CACNA2D1: variants seen among roughly 807,000 people sequenced by gnomAD.
CACNA2D1 encodes the protein calcium voltage-gated channel auxiliary subunit alpha2delta 1.
A neutral mutation model predicts 171.5 loss-of-function variants in CACNA2D1; 53 were observed. The observed-to-expected ratio is 0.31, with a 90% CI of 0.25 to 0.39. The LOEUF (loss-of-function observed/expected upper bound fraction) is 0.39, where lower values mean the gene tolerates loss of function less well. Among genes scored for constraint, CACNA2D1 ranks in the 10% least tolerant of loss-of-function variants. CACNA2D1 has a pLI of 1.00. For missense variants in CACNA2D1, 903 were observed against 1,299.8 expected (o/e 0.69, Z 4.69); for synonymous variants, 442 against 443.1 (o/e 1.00, Z 0.03).
intron 3 of CACNA2D1, among the ~76,000 whole-genome samples, chr7:82,202,174 T>A (rs1429817375): frequency 6.6e-6 from 1 of 152,174 alleles, no homozygotes; most frequent in Non-Finnish European, 1.5e-5. Context: ...GTACAAGGTA[T>A]AACTACCCTG....
At chr7:82,435,356 G>T (rs1361025186) in intron 1 of CACNA2D1, among the ~76,000 whole-genome samples, 1 of 151,922 alleles carries the variant, frequency 6.6e-6, no homozygotes, top group Admixed American at 6.6e-5. Flanking sequence ...ATTTCTAAGG[G>T]CCTAACAGAC....
At chr7:82,202,734 C>T (rs1429404868) in intron 3 of CACNA2D1, among the ~76,000 whole-genome samples, 2 of 152,034 alleles carry the variant, frequency 1.3e-5, no homozygotes, top group African/African-American at 4.8e-5. Context: ...TGAATGCAGG[C>T]CTGGGTCCGT....
intron 36 of CACNA2D1, among the ~76,000 whole-genome samples, chr7:81,960,903 C>T (rs1451747470): frequency 6.6e-6 from 1 of 151,954 alleles, no homozygotes; most frequent in Non-Finnish European, 1.5e-5. Context: ...CTTGACTCTT[C>T]CTTCCCTTTC....
chr7:82,110,233 T>C (rs1354597437), intron 6 of CACNA2D1, among the ~76,000 whole-genome samples: 1 of 152,198 alleles, frequency 6.6e-6, no homozygotes, highest in Non-Finnish European at 1.5e-5. Flanking sequence ...AATTCATATG[T>C]TGAAGCCCTA....
chr7:82,094,163 A>C (rs973648048), intron 6 of CACNA2D1, among the ~76,000 whole-genome samples: 13 of 152,170 alleles, frequency 8.5e-5, no homozygotes, highest in Non-Finnish European at 1.8e-4. Flanking sequence ...GATCCATTGA[A>C]GCACAGTACA....
intron 6 of CACNA2D1, among the ~76,000 whole-genome samples, chr7:82,088,739 A>T (rs1014866348): frequency 1.3e-5 from 2 of 152,148 alleles, no homozygotes; most frequent in Non-Finnish European, 2.9e-5. Context: ...GGTATTCTAT[A>T]AATTGGTATT....
chr7:82,376,980 T>TA (rs1823086909), intron 1 of CACNA2D1, among the ~76,000 whole-genome samples: 1 of 152,238 alleles, frequency 6.6e-6, no homozygotes, highest in Non-Finnish European at 1.5e-5. Context: ...CACTGTATAA[T>TA]ACATGCTGTT....
chr7:82,136,694 C>T lies in CACNA2D1; in HGVS notation c.355-18G>A, dbSNP rs370574759. ...TCATTGCTCTACAAAAAAAAAAGAA[C>T]GCTTTATTGATTTTAATAAAAACAA... On this transcript the variant is annotated intron_variant, in intron 4 of 38. Coordinates refer to ENST00000356860, the MANE Select transcript of CACNA2D1 (RefSeq NM_000722.4). 3.6e-5 allele frequency: 55 copies of T among 1,531,338 alleles called. No homozygotes were observed. The highest frequency in any genetic ancestry group is 7.2e-5 in the Admixed American group (4 of 55,768). 94.9% of individuals were successfully genotyped at this position (1,531,338 alleles called of 1,614,324 possible). A position where few individuals can be genotyped will look rare whatever the true frequency, so the allele number is the denominator to read the frequency against.
chr7:82,367,488 T>A (rs1157331470), intron 1 of CACNA2D1, among the ~76,000 whole-genome samples: 2 of 152,138 alleles, frequency 1.3e-5, no homozygotes, highest in Non-Finnish European at 2.9e-5. Flanking sequence ...TTTCCCTGCT[T>A]TCTGTCCTTC....
chr7:82,153,730 A>T (rs1794080936), intron 4 of CACNA2D1, among the ~76,000 whole-genome samples: 1 of 152,112 alleles, frequency 6.6e-6, no homozygotes, highest in Non-Finnish European at 1.5e-5. Context: ...ATAGGGATAA[A>T]GAAAATTGTT....
intron 3 of CACNA2D1, among the ~76,000 whole-genome samples, chr7:82,297,241 G>A (rs1307564682): frequency 6.7e-6 from 1 of 148,652 alleles, no homozygotes; most frequent in East Asian, 2.0e-4. Context: ...CAGAGACCCT[G>A]TCTCAAAAAA....
chr7:82,050,642 A>C (rs1272798619), intron 10 of CACNA2D1: 1 of 702,700 alleles, frequency 1.4e-6, no homozygotes, highest in Admixed American at 2.0e-5. Flanking sequence ...GAATGCAAAT[A>C]AATCTGAATA....
At chr7:81,998,390 A>C (rs1224180462) in intron 18 of CACNA2D1, among the ~76,000 whole-genome samples, 9 of 152,024 alleles carry the variant, frequency 5.9e-5, no homozygotes. Flanking sequence ...AAGATGTTCA[A>C]ATTATCACCA....
chr7:82,247,198 T>A (rs968076528), intron 3 of CACNA2D1, among the ~76,000 whole-genome samples: 1 of 152,164 alleles, frequency 6.6e-6, no homozygotes, highest in Non-Finnish European at 1.5e-5. Context: ...CACAGATGTA[T>A]GGCTCTGGAA....
At chr7:82,246,434 C>A (rs1804933281) in intron 3 of CACNA2D1, among the ~76,000 whole-genome samples, 1 of 152,070 alleles carries the variant, frequency 6.6e-6, no homozygotes, top group Admixed American at 6.6e-5. Context: ...GAGAACTGAA[C>A]ATCTAAGAAA....
chr7:82,054,974 G>C (rs531339328), intron 10 of CACNA2D1, among the ~76,000 whole-genome samples: 7 of 152,048 alleles, frequency 4.6e-5, no homozygotes, highest in Admixed American at 2.6e-4. Context: ...TATCAACTAA[G>C]GCCAAAGTAA....
intron 12 of CACNA2D1, among the ~76,000 whole-genome samples, chr7:82,025,550 T>TTGAA (rs1391929585): frequency 2.0e-5 from 3 of 151,710 alleles, no homozygotes; most frequent in Non-Finnish European, 4.4e-5. Flanking sequence ...AATGAGCTTT[T>TTGAA]TGAAGTCCTT....
intron 25 of CACNA2D1, among the ~76,000 whole-genome samples, chr7:81,973,848 T>C (rs1446014913): frequency 2.0e-5 from 3 of 152,002 alleles, no homozygotes; most frequent in African/African-American, 7.2e-5. Flanking sequence ...GTATGAATGA[T>C]GCAAATTTAC....
In CACNA2D1 at chr7:81,948,168, A is replaced by G. The variant is rs1008137990; in HGVS notation, c.*2224T>C. 4.0e-5 allele frequency: 6 copies of G among 151,892 alleles called. No individual in the cohort carries two copies. Among genetic ancestry groups the G allele is most frequent in the African/African-American group, 1.2e-4 (5 of 41,418 alleles). 9.4% of individuals were successfully genotyped at this position (151,892 alleles called of 1,614,324 possible). The stretch of plus-strand genomic sequence containing the variant: ...TGTGCATTGTTTATATACACAAACT[A>G]ACAATTTTATATTTTGATACCCCCT... On this transcript the variant is annotated 3_prime_UTR_variant, in exon 39 of 39. Transcript: ENST00000356860.
Sources: allele counts gnomAD v4.1 joint callset (sites outside exome capture counted in the v4.1 genomes callset), GRCh38; gene constraint gnomAD v4.1.1; transcripts MANE v1.5; gene names NCBI Gene and HGNC (gene_info 2026-07-23, HGNC 2026-07-21).